Variants in MB21D2 observed in about 807,000 individuals in gnomAD.
The protein encoded by MB21D2 is nucleotidyltransferase MB21D2.
A neutral mutation model predicts 33.3 loss-of-function variants in MB21D2; 9 were observed. The ratio of observed to expected loss-of-function variants is 0.27; its 90% CI spans 0.16 to 0.47. The LOEUF (loss-of-function observed/expected upper bound fraction) is 0.47, where lower values mean the gene tolerates loss of function less well. Among genes scored for constraint, MB21D2 ranks in the 20% least tolerant of loss-of-function variants. MB21D2 has a pLI of 0.99. For synonymous variants in MB21D2, 241 were observed against 236.3 expected (o/e 1.02, Z -0.18); for missense variants, 540 against 624.6 (o/e 0.86, Z 1.44).
intron 1 of MB21D2, among the ~76,000 whole-genome samples, chr3:192,849,737 T>C (rs1390628673): frequency 2.0e-5 from 3 of 152,350 alleles, no homozygotes; most frequent in African/African-American, 7.2e-5. Context: ...TATTTATGTC[T>C]ATTGCTTATT....
At chr3:192,870,563 G>A (rs961239714) in intron 1 of MB21D2, among the ~76,000 whole-genome samples, 19 of 151,844 alleles carry the variant, frequency 1.3e-4, no homozygotes, top group Non-Finnish European at 7.4e-5. Flanking sequence ...GGTGGCGCAC[G>A]CCTGTAATCT....
intron 1 of MB21D2, among the ~76,000 whole-genome samples, chr3:192,810,679 C>T (rs536618528): frequency 6.6e-6 from 1 of 152,314 alleles, no homozygotes; most frequent in East Asian, 1.9e-4. Context: ...TTCATTTATC[C>T]CATTTTTTTG....
chr3:192,916,047 G>C (rs111751591), intron 1 of MB21D2, among the ~76,000 whole-genome samples: 2,100 of 150,838 alleles, frequency 0.014, 52 homozygotes, highest in African/African-American at 0.049. Context: ...GTTGGCTTTT[G>C]GCTTTGTAAG....
At chr3:192,913,986 G>C (rs1040575701) in intron 1 of MB21D2, among the ~76,000 whole-genome samples, 2 of 152,144 alleles carry the variant, frequency 1.3e-5, no homozygotes, top group Non-Finnish European at 2.9e-5. Context: ...AACTCAGACT[G>C]TTCCAGAAAT....
intron 1 of MB21D2, among the ~76,000 whole-genome samples, chr3:192,898,664 G>T (rs529903733): frequency 6.6e-6 from 1 of 152,268 alleles, no homozygotes; most frequent in East Asian, 1.9e-4. Context: ...TTAAAAAAAA[G>T]ACAGAAACAG....
rs572265163 is a variant in MB21D2, at chr3:192,886,722, A to G, written c.211+30908T>C. ...TAGTCATTCTACAACTTGCTTTTCT[A>G]ACCCTTACGTTTTTGAATTTTACCT... On this transcript the variant is annotated intron_variant, in intron 1 of 1. Coordinates refer to ENST00000392452, the MANE Select transcript of MB21D2 (RefSeq NM_178496.4). Among the ~76,000 whole-genome samples, 15 of 152,282 alleles carry G rather than the reference A, an allele frequency of 9.9e-5. No individual in the cohort carries two copies. In the South Asian group the frequency reaches 3.1e-3, roughly 32 times the overall value.
intron 1 of MB21D2, among the ~76,000 whole-genome samples, chr3:192,904,874 C>T (rs1036095290): frequency 6.6e-6 from 1 of 152,244 alleles, no homozygotes; most frequent in Non-Finnish European, 1.5e-5. Context: ...TCCTTACCGT[C>T]CAGTCCCTGG....
chr3:192,898,955 A>G (rs775690179), intron 1 of MB21D2, among the ~76,000 whole-genome samples: 1 of 152,206 alleles, frequency 6.6e-6, no homozygotes, highest in Non-Finnish European at 1.5e-5. Flanking sequence ...GCTATTTTCA[A>G]AGAACTGAAA....
At position 192,798,088 on chromosome 3, in the gene MB21D2, AG is replaced by A. The variant is rs1313220764; in HGVS notation, c.*297del. On this transcript the variant is annotated 3_prime_UTR_variant, in exon 2 of 2. Coordinates refer to ENST00000392452, the MANE Select transcript of MB21D2 (RefSeq NM_178496.4). This position sits in a 1 kb window ranked among gnomAD's most constrained non-coding sequence, Gnocchi z 4.8. ...CAAGTATGAAACAGAAAAAAGCAAG[AG>A]GATTCATGGGCATTTTCATCTATGG... 1 of 279,030 alleles carries A rather than the reference AG, an allele frequency of 3.6e-6. No homozygotes were observed. Among genetic ancestry groups the A allele is most frequent in the East Asian group, 6.7e-5 (1 of 14,956 alleles). 17.3% of individuals were successfully genotyped at this position (279,030 alleles called of 1,614,324 possible).
chr3:192,806,929 C>A (rs1711677309), intron 1 of MB21D2, among the ~76,000 whole-genome samples: 1 of 152,096 alleles, frequency 6.6e-6, no homozygotes, highest in African/African-American at 2.4e-5. Flanking sequence ...CAACATCAAC[C>A]ACTGTGGGCC....
rs1347300437 is a variant in MB21D2, at chr3:192,851,490, T to TG, written c.212-51841dup. On this transcript the variant is annotated intron_variant, in intron 1 of 1. Coordinates refer to ENST00000392452, the MANE Select transcript of MB21D2 (RefSeq NM_178496.4). Reference sequence around the variant, plus strand: ...CTAAATTGTACACTTTTTTTTTGTCTGTTTTTTTTTTTTTTTTTTTTGGAG... The same window carrying TG: ...CTAAATTGTACACTTTTTTTTTGTCTGGTTTTTTTTTTTTTTTTTTTTGGAG... Among the ~76,000 whole-genome samples, 578 of 119,634 alleles carry TG rather than the reference T, an allele frequency of 4.8e-3. 3 individuals carry two copies. The highest frequency in any genetic ancestry group is 0.015 in the African/African-American group (455 of 30,220). The allele number at this position is 119,634 out of a possible 152,430, so 78.5% of individuals were successfully genotyped here. A position where few individuals can be genotyped will look rare whatever the true frequency, so the allele number is the denominator to read the frequency against.
At chr3:192,823,738 CAT>C (rs1180207168) in intron 1 of MB21D2, among the ~76,000 whole-genome samples, 7 of 152,012 alleles carry the variant, frequency 4.6e-5, no homozygotes, top group African/African-American at 1.7e-4. Context: ...GACTGTAAGA[CAT>C]ATATTCATGT....
chr3:192,836,752 T>A (rs971604962), intron 1 of MB21D2, among the ~76,000 whole-genome samples: 1 of 152,194 alleles, frequency 6.6e-6, no homozygotes, highest in East Asian at 1.9e-4. Context: ...AGCAAGCTAA[T>A]ACAACACTGA....
chr3:192,890,914 A>G (rs1451146149), intron 1 of MB21D2, among the ~76,000 whole-genome samples: 1 of 152,108 alleles, frequency 6.6e-6, no homozygotes, highest in Non-Finnish European at 1.5e-5. Flanking sequence ...TATTACTCAT[A>G]AAAACTCAGT....
At chr3:192,913,110 T>C (rs1714389312) in intron 1 of MB21D2, among the ~76,000 whole-genome samples, 1 of 152,220 alleles carries the variant, frequency 6.6e-6, no homozygotes, top group South Asian at 2.1e-4. Flanking sequence ...CCAATTTAAG[T>C]TCACTGGATC....
At chr3:192,896,607 A>C (rs887303172) in intron 1 of MB21D2, among the ~76,000 whole-genome samples, 9 of 152,234 alleles carry the variant, frequency 5.9e-5, no homozygotes, top group African/African-American at 2.2e-4. Context: ...TTCATCTCAG[A>C]CAATGAAAAC....
chr3:192,885,688 GCT>G lies in MB21D2; in HGVS notation c.211+31940_211+31941del, dbSNP rs1009044771. ...GCACAAATGACAGGGCAATGTGCAG[GCT>G]CTCTGAGTAGAAGATACTTTCAGGG... On this transcript the variant is annotated intron_variant, in intron 1 of 1. Coordinates refer to ENST00000392452, the MANE Select transcript of MB21D2 (RefSeq NM_178496.4). 1.8e-4 allele frequency among the ~76,000 whole-genome samples: 28 copies of G among 152,226 alleles called. 2 individuals are homozygous for G. Among genetic ancestry groups the G allele is most frequent in the African/African-American group, 6.5e-4 (27 of 41,476 alleles).
intron 1 of MB21D2, among the ~76,000 whole-genome samples, chr3:192,905,656 AAAAAGAAAAG>A (rs1286701068): frequency 8.6e-6 from 1 of 116,358 alleles, no homozygotes; most frequent in African/African-American, 3.3e-5. Flanking sequence ...AAAAAAAAAG[AAAAAGAAAAG>A]AAAAGAAAAG....
rs144717048 is a variant in MB21D2, at chr3:192,838,300, T to A, written c.212-38650A>T. The stretch of plus-strand genomic sequence containing the variant: ...AAGGAGGAAACCACAGTGCCTTTAA[T>A]GACTAGTCTATAAAGTTGCACACTA... On this transcript the variant is annotated intron_variant, in intron 1 of 1. Coordinates refer to ENST00000392452, the MANE Select transcript of MB21D2 (RefSeq NM_178496.4). Among the ~76,000 whole-genome samples the A allele has an allele frequency of 2.6e-3, 400 of 152,352 alleles. 4 individuals carry two copies. Among genetic ancestry groups the A allele is most frequent in the Admixed American group, 0.019 (285 of 15,306 alleles).
Sources: gnomAD v4.1 joint callset for allele counts (sites outside exome capture counted in the v4.1 genomes callset) on GRCh38, gnomAD v4.1.1 for gene constraint, Gnocchi (gnomAD v3.1) non-coding constraint, MANE v1.5 for transcripts, NCBI Gene and HGNC (gene_info 2026-07-23, HGNC 2026-07-21) for gene names.